The following MYO7A variants were observed in gnomAD, a reference collection of about 807,000 sequenced individuals.
The protein encoded by MYO7A is unconventional myosin-VIIa.
Under a neutral mutation model 263.8 loss-of-function variants are expected in MYO7A, and 210 were observed. That is an observed-to-expected ratio of 0.80 (90% CI 0.71 to 0.89). MYO7A has a LOEUF of 0.89. Ranked by LOEUF, MYO7A falls within the 40% of genes least tolerant of loss-of-function variation. The probability of loss-of-function intolerance (pLI) is 0.00; values close to 1 mark genes in which losing one functional copy is unlikely to be tolerated. For synonymous variants in MYO7A, 1,239 were observed against 1,197.3 expected, an observed-to-expected ratio of 1.03 and a Z score of -0.72; for missense variants, 2,820 against 2,968.3, an observed-to-expected ratio of 0.95 and a Z score of 1.16.
At chr11:77,189,791 C>T (rs1447140307) in intron 28 of MYO7A, among the ~76,000 whole-genome samples, 1 of 152,218 alleles carries the variant, frequency 6.6e-6, no homozygotes, top group East Asian at 1.9e-4. Context: ...ACCCGACTGG[C>T]TGGTGCTGTG....
chr11:77,187,280 C>T (rs1459284026), intron 27 of MYO7A, among the ~76,000 whole-genome samples: 2 of 152,136 alleles, frequency 1.3e-5, no homozygotes, highest in Non-Finnish European at 2.9e-5. Flanking sequence ...GGTAGACTTG[C>T]TCCATGCAGA....
At chr11:77,182,700 T>G in intron 25 of MYO7A, 100 bp downstream of exon 25, 2 of 1,295,698 alleles carry the variant, frequency 1.5e-6, no homozygotes, top group Non-Finnish European at 2.2e-6. Flanking sequence ...AAGGATCCTA[T>G]AATTCATCTC....
intron 3 of MYO7A, among the ~76,000 whole-genome samples, chr11:77,147,420 C>CTTTG (rs1951649409): frequency 6.6e-6 from 1 of 151,926 alleles, no homozygotes; most frequent in Admixed American, 6.6e-5. Context: ...TTCTTTCTTT[C>CTTTG]TTTTTTACCG....
At chr11:77,173,644 C>T (rs1226473516) in intron 16 of MYO7A, among the ~76,000 whole-genome samples, 2 of 152,052 alleles carry the variant, frequency 1.3e-5, no homozygotes, top group African/African-American at 4.8e-5. Context: ...TGCAGGGAGG[C>T]ACAGGGGGAA....
chr11:77,140,125 A>C (rs1484755898), intron 2 of MYO7A, among the ~76,000 whole-genome samples: 1 of 152,090 alleles, frequency 6.6e-6, no homozygotes, highest in Non-Finnish European at 1.5e-5. Context: ...TGCTCACATG[A>C]AGTTTTTTTT....
intron 4 of MYO7A, among the ~76,000 whole-genome samples, chr11:77,155,274 T>C (rs1185782596): frequency 2.6e-5 from 4 of 152,122 alleles, no homozygotes; most frequent in Non-Finnish European, 5.9e-5. Context: ...CTTAAGGCTA[T>C]CTGAGGTGCA....
At chr11:77,145,794 G>C (rs1276932690) in intron 3 of MYO7A, among the ~76,000 whole-genome samples, 1 of 152,144 alleles carries the variant, frequency 6.6e-6, no homozygotes, top group East Asian at 1.9e-4. Context: ...GGGGTGGGGG[G>C]CTCTGTCCAG....
chr11:77,154,272 G>A (rs1306573880), intron 4 of MYO7A, among the ~76,000 whole-genome samples: 2 of 152,162 alleles, frequency 1.3e-5, no homozygotes, highest in Non-Finnish European at 2.9e-5. Context: ...TTTGGGGCTG[G>A]TTCCTAGTCT....
intron 47 of MYO7A, among the ~76,000 whole-genome samples, chr11:77,213,588 T>C (rs1169285644): frequency 6.6e-6 from 1 of 152,112 alleles, no homozygotes; most frequent in African/African-American, 2.4e-5. Flanking sequence ...CCCTGGACCA[T>C]CTCATTCAGG....
intron 44 of MYO7A, chr11:77,209,004 GGGCTTGACA>G (rs1394818779): frequency 1.5e-5 from 9 of 584,064 alleles, no homozygotes; most frequent in Non-Finnish European, 2.8e-5. Flanking sequence ...CAGCCCTTAG[GGGCTTGACA>G]GTTCCTCCTC....
intron 38 of MYO7A, 135 bp from the exon 39 acceptor site, chr11:77,203,941 C>T: frequency 1.0e-6 from 1 of 978,540 alleles, no homozygotes; most frequent in Non-Finnish European, 1.5e-6. Context: ...CAGATCATGC[C>T]CATTTTGTGA....
At position 77,190,780 on chromosome 11, in the gene MYO7A, C is replaced by G. The variant is rs376020941; in HGVS notation, c.3834C>G (p.Thr1278=). The change falls in exon 30 of 49, where the codon ACC becomes ACG. Residue 1278 remains threonine, a synonymous_variant. Transcript: ENST00000409709. ...TTKTLLTDSA[T]TAKELCNALA... ...AGACCCTGCTGACGGACTCGGCAAC[C>G]ACGGCCAAGGAGCTCTGCAACGCGC... 7 of 1,597,444 alleles carry G rather than the reference C, an allele frequency of 4.4e-6. No individual in the cohort carries two copies. Among genetic ancestry groups the G allele is most frequent in the Non-Finnish European group, 6.0e-6 (7 of 1,172,402 alleles).
At chr11:77,203,448 C>T (rs773944340) in intron 38 of MYO7A, among the ~76,000 whole-genome samples, 6 of 152,208 alleles carry the variant, frequency 3.9e-5, no homozygotes, top group Admixed American at 6.5e-5. Flanking sequence ...CTGGGCCAGG[C>T]ATGCAGGTAG....
Position 77,198,865 on chromosome 11 carries a change from G to A in MYO7A, c.4568+244G>A, listed in dbSNP as rs1300097262. On this transcript the variant is annotated intron_variant, in intron 34 of 48. Transcript: ENST00000409709. ...GCTGTCAGGACAGGCAGGGGCAGGTGAGTGTGTACAAAAGAGCTTGACCTG... is the reference window on the plus strand; with the variant it reads ...GCTGTCAGGACAGGCAGGGGCAGGTAAGTGTGTACAAAAGAGCTTGACCTG... Among the ~76,000 whole-genome samples, 3 of 152,234 alleles carry A rather than the reference G, an allele frequency of 2.0e-5. 1 individual carries two copies. The highest frequency in any genetic ancestry group is 4.4e-5 in the Non-Finnish European group (3 of 68,048).
intron 46 of MYO7A, 123 bp downstream of exon 46, chr11:77,212,060 G>T: frequency 1.2e-6 from 1 of 827,184 alleles, no homozygotes. Flanking sequence ...GTGAGGGAAG[G>T]AGGGCAGCAC....
intron 32 of MYO7A, among the ~76,000 whole-genome samples, chr11:77,195,736 A>G (rs992630428): frequency 1.3e-5 from 2 of 152,198 alleles, no homozygotes; most frequent in African/African-American, 2.4e-5. Context: ...CCCACATAGA[A>G]TGGACAGTTG....
At chr11:77,209,672 C>T (rs1258068748) in intron 44 of MYO7A, among the ~76,000 whole-genome samples, 2 of 152,142 alleles carry the variant, frequency 1.3e-5, no homozygotes, top group African/African-American at 4.8e-5. Flanking sequence ...TCTCTAAAGT[C>T]CCCCATGTCT....
At chr11:77,201,982 C>T (rs1591469579) in intron 36 of MYO7A, among the ~76,000 whole-genome samples, 3 of 152,252 alleles carry the variant, frequency 2.0e-5, no homozygotes, top group South Asian at 2.1e-4. Flanking sequence ...GGACTCACAG[C>T]CCAGCTTCCC....
intron 17 of MYO7A, 132 bp downstream of exon 17, chr11:77,175,046 T>C: frequency 1.5e-5 from 18 of 1,200,334 alleles, no homozygotes; most frequent in Non-Finnish European, 2.0e-5. Flanking sequence ...GCACGGAAAA[T>C]TGGGGTTCAG....
Sources: gnomAD v4.1 joint callset for allele counts (sites outside exome capture counted in the v4.1 genomes callset) on GRCh38, gnomAD v4.1.1 for gene constraint, MANE v1.5 for transcripts, NCBI Gene and HGNC (gene_info 2026-07-23, HGNC 2026-07-21) for gene names.